IL1RAPL2: variants seen among roughly 807,000 people sequenced by gnomAD.
The protein encoded by IL1RAPL2 is X-linked interleukin-1 receptor accessory protein-like 2.
IL1RAPL2 carries 3 observed loss-of-function variants against 44.1 expected under a neutral mutation model. The observed-to-expected ratio is 0.07, with a 90% CI of 0.03 to 0.18. The LOEUF (loss-of-function observed/expected upper bound fraction) is 0.18. Ranked by LOEUF, IL1RAPL2 falls within the 10% of genes least tolerant of loss-of-function variation. The pLI, the probability that IL1RAPL2 is intolerant of heterozygous loss-of-function variation, is 1.00. For missense variants in IL1RAPL2, 391 were observed against 496.4 expected (o/e 0.79, Z 2.02); for synonymous variants, 181 against 178.8 (o/e 1.01, Z -0.10).
intron 2 of IL1RAPL2, among the ~76,000 whole-genome samples, chrX:105,188,242 C>A (rs1281864918): frequency 1.8e-5 from 2 of 110,546 alleles, no homozygotes; most frequent in East Asian, 2.9e-4. Context: ...AGAGGTGGGG[C>A]AGATTTGGTA....
intron 2 of IL1RAPL2, among the ~76,000 whole-genome samples, chrX:105,137,722 T>C (rs1007626695): frequency 8.9e-6 from 1 of 111,896 alleles, no homozygotes; most frequent in South Asian, 3.7e-4. Context: ...TAAACTGTCA[T>C]CTATTTTAGT....
chrX:105,751,893 C>A (rs1400583318), intron 9 of IL1RAPL2, among the ~76,000 whole-genome samples: 2 of 111,790 alleles, frequency 1.8e-5, no homozygotes, highest in African/African-American at 6.5e-5. Flanking sequence ...AATATTTTGA[C>A]ATAACATAGA....
intron 6 of IL1RAPL2, among the ~76,000 whole-genome samples, chrX:105,643,219 A>T (rs1333156761): frequency 4.5e-5 from 5 of 111,878 alleles, no homozygotes; most frequent in Non-Finnish European, 9.4e-5. Context: ...GATGGTGTGT[A>T]CAAAGTTGAA....
chrX:105,622,808 T>C (rs2037429191), intron 6 of IL1RAPL2, among the ~76,000 whole-genome samples: 2 of 111,661 alleles, frequency 1.8e-5, no homozygotes, highest in Admixed American at 1.9e-4. Flanking sequence ...AATCCTTTTC[T>C]ACATGATGAC....
intron 5 of IL1RAPL2, among the ~76,000 whole-genome samples, chrX:105,382,692 T>A (rs2035443230): frequency 9.5e-6 from 1 of 105,615 alleles, no homozygotes. Context: ...GCGGCACTAT[T>A]CACAATAGCA....
chrX:105,104,433 A>G (rs1047872363), intron 2 of IL1RAPL2, among the ~76,000 whole-genome samples: 1 of 111,878 alleles, frequency 8.9e-6, no homozygotes, highest in Non-Finnish European at 1.9e-5. Flanking sequence ...TTGGAAAGTA[A>G]GGAACAAATT....
chrX:105,496,467 A>T (rs1223311002), intron 6 of IL1RAPL2, among the ~76,000 whole-genome samples: 5 of 112,785 alleles, frequency 4.4e-5, no homozygotes, highest in Non-Finnish European at 9.4e-5. Flanking sequence ...TTTACATAAG[A>T]TAATTAAGGA....
At chrX:105,240,721 C>T (rs2034163296) in intron 4 of IL1RAPL2, among the ~76,000 whole-genome samples, 1 of 111,787 alleles carries the variant, frequency 8.9e-6, no homozygotes, top group Admixed American at 9.6e-5. Flanking sequence ...AACATAATAA[C>T]CATAATTATA....
chrX:104,611,108 G>A (rs774483158), intron 1 of IL1RAPL2, among the ~76,000 whole-genome samples: 1 of 111,801 alleles, frequency 8.9e-6, no homozygotes, highest in Non-Finnish European at 1.9e-5. Flanking sequence ...CTACTGGGAG[G>A]TATCTCTAAG....
chrX:105,253,336 TTAA>T (rs1320039118), intron 4 of IL1RAPL2, among the ~76,000 whole-genome samples: 1 of 111,237 alleles, frequency 9.0e-6, no homozygotes, highest in African/African-American at 3.3e-5. Context: ...ATGTAGTCTA[TTAA>T]TAAGCCCATC....
intron 6 of IL1RAPL2, among the ~76,000 whole-genome samples, chrX:105,539,590 A>G (rs2036704662): frequency 8.9e-6 from 1 of 111,943 alleles, no homozygotes; most frequent in Admixed American, 9.5e-5. Context: ...AACCTAGGAA[A>G]TACCATTCTG....
At chrX:105,247,603 A>ATATATATG (rs996281661) in intron 4 of IL1RAPL2, among the ~76,000 whole-genome samples, 70 of 95,049 alleles carry the variant, frequency 7.4e-4, no homozygotes, top group African/African-American at 2.5e-3. Context: ...ATATATATAT[A>ATATATATG]TGTGTGTGTG....
At position 105,359,400 on chromosome X, in the gene IL1RAPL2, A is replaced by G. The variant is rs192011966; in HGVS notation, c.697+91859A>G. The stretch of plus-strand genomic sequence containing the variant: ...TATTTATTGAATTACTACTTTGTAA[A>G]GGTACTATGTTGTGCTGGGAATTTT... On this transcript the variant is annotated intron_variant, in intron 5 of 10. Coordinates refer to ENST00000372582, the MANE Select transcript of IL1RAPL2 (RefSeq NM_017416.2). Among the ~76,000 whole-genome samples, 323 of 111,962 alleles carry G rather than the reference A, an allele frequency of 2.9e-3. 3 individuals are homozygous for G. The highest frequency in any genetic ancestry group is 9.7e-3 in the African/African-American group (299 of 30,874).
At chrX:105,017,346 C>T (rs1389873104) in intron 2 of IL1RAPL2, among the ~76,000 whole-genome samples, 1 of 110,994 alleles carries the variant, frequency 9.0e-6, no homozygotes, top group Non-Finnish European at 1.9e-5. Context: ...AGGACAAATG[C>T]TTGTCTATCA....
At chrX:104,785,348 A>G (rs1410117396) in intron 2 of IL1RAPL2, among the ~76,000 whole-genome samples, 1 of 111,863 alleles carries the variant, frequency 8.9e-6, no homozygotes, top group Non-Finnish European at 1.9e-5. Context: ...TAAGTATTTT[A>G]GACTTGAAAA....
chrX:105,652,724 C>T (rs1277158069), intron 6 of IL1RAPL2, among the ~76,000 whole-genome samples: 1 of 111,583 alleles, frequency 9.0e-6, no homozygotes, highest in African/African-American at 3.3e-5. Flanking sequence ...ATCTTTACCA[C>T]TTATTAATCT....
intron 4 of IL1RAPL2, among the ~76,000 whole-genome samples, chrX:105,250,836 A>T (rs2034263161): frequency 9.0e-6 from 1 of 111,169 alleles, no homozygotes; most frequent in South Asian, 3.7e-4. Context: ...CATTTACTAC[A>T]AAACAACATC....
At chrX:105,556,780 T>C (rs1056963599) in intron 6 of IL1RAPL2, among the ~76,000 whole-genome samples, 1 of 112,160 alleles carries the variant, frequency 8.9e-6, no homozygotes, top group African/African-American at 3.2e-5. Flanking sequence ...ATTTTATTAA[T>C]GTTTAGTGGA....
At chrX:104,717,762 C>T (rs375182639) in intron 2 of IL1RAPL2, among the ~76,000 whole-genome samples, 1 of 109,020 alleles carries the variant, frequency 9.2e-6, no homozygotes, top group Admixed American at 9.8e-5. Flanking sequence ...CTCCCCCCCC[C>T]ACCCCACAAC....
Sources: gnomAD v4.1 joint callset for allele counts (sites outside exome capture counted in the v4.1 genomes callset) on GRCh38, gnomAD v4.1.1 for gene constraint, MANE v1.5 for transcripts, NCBI Gene and HGNC (gene_info 2026-07-23, HGNC 2026-07-21) for gene names.